RILPL1: variants seen among roughly 807,000 people sequenced by gnomAD.
The protein encoded by RILPL1 is Rab interacting lysosomal protein like 1.
RILPL1 carries 33 observed loss-of-function variants against 50.3 expected under a neutral mutation model. The observed-to-expected ratio is 0.66, with a 90% CI of 0.50 to 0.88. The LOEUF (loss-of-function observed/expected upper bound fraction) is 0.88, where lower values mean the gene tolerates loss of function less well. Ranked by LOEUF, RILPL1 falls within the 40% of genes least tolerant of loss-of-function variation. The pLI is 0.00. For synonymous variants in RILPL1, 205 were observed against 228.6 expected (o/e 0.90, Z 0.93); for missense variants, 418 against 542.5 (o/e 0.77, Z 2.28).
chr12:123,477,983 A>G (rs1593531139), intron 6 of RILPL1, among the ~76,000 whole-genome samples: 1 of 105,760 alleles, frequency 9.5e-6, no homozygotes, highest in African/African-American at 3.6e-5. Flanking sequence ...CTCCATCTGT[A>G]TGTCTTTTTT....
intron 1 of RILPL1, among the ~76,000 whole-genome samples, chr12:123,529,585 T>A (rs1272543792): frequency 1.3e-5 from 2 of 152,034 alleles, no homozygotes; most frequent in African/African-American, 4.8e-5. Flanking sequence ...CCTGAATTTT[T>A]TTTTTTTTTT....
chr12:123,484,136 C>T, intron 6 of RILPL1, 44 bp downstream of exon 6: 3 of 1,321,338 alleles, frequency 2.3e-6, no homozygotes, highest in Non-Finnish European at 3.2e-6. Context: ...GACACGTGAA[C>T]CGCCAGGTCA....
chr12:123,492,119 CA>C (rs1378833469), intron 4 of RILPL1, among the ~76,000 whole-genome samples: 1 of 151,702 alleles, frequency 6.6e-6, no homozygotes, highest in Non-Finnish European at 1.5e-5. Context: ...ACTAAAAATA[CA>C]AAAATTAGCC....
intron 4 of RILPL1, among the ~76,000 whole-genome samples, chr12:123,494,924 T>G (rs1882931442): frequency 1.3e-5 from 2 of 152,320 alleles, no homozygotes; most frequent in Admixed American, 1.3e-4. Flanking sequence ...AGACGACAGC[T>G]GTTGTCTCTG....
intron 5 of RILPL1, chr12:123,484,946 A>G (rs1392788459): frequency 1.3e-5 from 4 of 312,194 alleles, no homozygotes; most frequent in African/African-American, 2.2e-5. Flanking sequence ...GGCATGAGCC[A>G]CCGCGCCCGG....
chr12:123,518,480 G>A (rs75060601), intron 2 of RILPL1: 182 of 187,768 alleles, frequency 9.7e-4, no homozygotes, highest in African/African-American at 4.4e-3. Flanking sequence ...GCACTCCAGC[G>A]TTGAAGACAG....
At chr12:123,521,411 C>A (rs562846888) in intron 2 of RILPL1, among the ~76,000 whole-genome samples, 38 of 151,646 alleles carry the variant, frequency 2.5e-4, no homozygotes, top group Non-Finnish European at 4.9e-4. Context: ...CTAATCAAAT[C>A]TCAACAAAGG....
At position 123,475,563 on chromosome 12, in the gene RILPL1, C is replaced by CTT. The variant is rs148778146; in HGVS notation, c.1068-2883_1068-2882dup. 6.8e-3 allele frequency: 5,195 copies of CTT among 758,496 alleles called. 206 individuals carry two copies. In the African/African-American group the frequency reaches 0.08, roughly 12 times the overall value. The allele number at this position is 758,496 out of a possible 1,614,324, so 47.0% of individuals were successfully genotyped here. A position where few individuals can be genotyped will look rare whatever the true frequency, so the allele number is the denominator to read the frequency against. On this transcript the variant is annotated intron_variant, in intron 6 of 6. Transcript: ENST00000376874. ...GAGCACACAGGTGGCGGCCATGCAG[C>CTT]TTAAGTGGCCAGGGGGAGACAGGTC...
chr12:123,512,779 GGTGT>G (rs1436156414), intron 2 of RILPL1, among the ~76,000 whole-genome samples: 2 of 142,488 alleles, frequency 1.4e-5, no homozygotes, highest in South Asian at 2.3e-4. Context: ...GTCTGTGTGT[GGTGT>G]GTGAGGTTTG....
intron 6 of RILPL1, among the ~76,000 whole-genome samples, chr12:123,476,494 A>G (rs999601942): frequency 2.0e-5 from 3 of 151,738 alleles, no homozygotes; most frequent in Non-Finnish European, 4.4e-5. Flanking sequence ...ACTAGTTAAG[A>G]TGAGGTTATG....
At position 123,499,471 on chromosome 12, in the gene RILPL1, C is replaced by G. The variant is rs199741406; in HGVS notation, c.526G>C (p.Glu176Gln). 6.8e-6 allele frequency: 11 copies of G among 1,613,978 alleles called. No homozygotes were observed. Among genetic ancestry groups the G allele is most frequent in the East Asian group, 6.7e-5 (3 of 44,882 alleles). ...AGCTCCCTGTCCTTGGCGCGGATCT[C>G]GTCGCGTTGTTTGTCCACCACCTCC... ...LKEVVDKQRD[E>Q]IRAKDRELGL... is the part of the protein sequence containing the mutation. Residue 176 changes from glutamate (E) to glutamine (Q), a missense_variant, in exon 3 of 7, where the codon GAG becomes CAG. Coordinates refer to ENST00000376874, the MANE Select transcript of RILPL1 (RefSeq NM_178314.5).
chr12:123,499,903 C>T (rs897463572), intron 2 of RILPL1, among the ~76,000 whole-genome samples: 4 of 151,956 alleles, frequency 2.6e-5, no homozygotes, highest in African/African-American at 9.7e-5. Flanking sequence ...CATTCATTCG[C>T]TTCTCTCCAT....
chr12:123,482,878 C>T (rs1404541277), intron 6 of RILPL1, among the ~76,000 whole-genome samples: 2 of 152,162 alleles, frequency 1.3e-5, no homozygotes, highest in South Asian at 2.1e-4. Context: ...GCTGAGATTA[C>T]AGGTGTGAGC....
Position 123,523,478 on chromosome 12 carries a change from C to T in RILPL1, c.460+17G>A, listed in dbSNP as rs374229758. ...GGAATGGCCGGCCCCCTTGCATTGGCGCCGACCCCCACTTACCTTCATGCT... is the reference window on the plus strand; with the variant it reads ...GGAATGGCCGGCCCCCTTGCATTGGTGCCGACCCCCACTTACCTTCATGCT... On this transcript the variant is annotated intron_variant, in intron 2 of 6. Transcript: ENST00000376874. 56 of 1,613,692 alleles carry T rather than the reference C, an allele frequency of 3.5e-5. No individual in the cohort carries two copies. The African/African-American group carries it at 6.0e-4, about 17-fold the overall frequency.
intron 4 of RILPL1, among the ~76,000 whole-genome samples, chr12:123,495,354 T>C (rs1035485986): frequency 1.3e-5 from 2 of 151,372 alleles, no homozygotes; most frequent in African/African-American, 4.9e-5. Flanking sequence ...AGTCAATAAA[T>C]TCGTTTTTTC....
intron 2 of RILPL1, among the ~76,000 whole-genome samples, chr12:123,508,734 T>C (rs1024902325): frequency 6.6e-6 from 1 of 152,190 alleles, no homozygotes; most frequent in Non-Finnish European, 1.5e-5. Flanking sequence ...CCGGGCACAG[T>C]GGCTCGTGCC....
chr12:123,501,381 G>A (rs1883372164), intron 2 of RILPL1, among the ~76,000 whole-genome samples: 1 of 152,004 alleles, frequency 6.6e-6, no homozygotes, highest in African/African-American at 2.4e-5. Context: ...GGAGTTCGAG[G>A]CTGCAGTGGG....
intron 1 of RILPL1, among the ~76,000 whole-genome samples, chr12:123,528,338 A>G (rs1885329890): frequency 6.8e-6 from 1 of 147,724 alleles, no homozygotes; most frequent in African/African-American, 2.4e-5. Context: ...CAGCCTGGGC[A>G]ACAGAGTGAG....
At chr12:123,501,759 C>A (rs1374476876) in intron 2 of RILPL1, among the ~76,000 whole-genome samples, 11 of 110,752 alleles carry the variant, frequency 9.9e-5, no homozygotes, top group Admixed American at 2.7e-4. Flanking sequence ...GACTCTGTCT[C>A]AAAAAAAAAA....
Sources: gnomAD v4.1 joint callset for allele counts (sites outside exome capture counted in the v4.1 genomes callset) on GRCh38, gnomAD v4.1.1 for gene constraint, MANE v1.5 for transcripts, NCBI Gene and HGNC (gene_info 2026-07-23, HGNC 2026-07-21) for gene names.